LRRC4C: variants seen among roughly 807,000 people sequenced by gnomAD.
LRRC4C encodes the protein leucine rich repeat containing 4C.
Under a neutral mutation model 33.6 loss-of-function variants are expected in LRRC4C, and 5 were observed. The observed-to-expected ratio is 0.15, with a 90% CI of 0.08 to 0.31. The LOEUF (loss-of-function observed/expected upper bound fraction) is 0.31. Ranked by LOEUF, LRRC4C falls within the 10% of genes least tolerant of loss-of-function variation. The pLI is 1.00. For synonymous variants in LRRC4C, 329 were observed against 302.0 expected, an observed-to-expected ratio of 1.09 and a Z score of -0.93; for missense variants, 560 against 796.7, an observed-to-expected ratio of 0.70 and a Z score of 3.58.
intron 2 of LRRC4C, among the ~76,000 whole-genome samples, chr11:40,706,061 T>G (rs1946155023): frequency 6.6e-6 from 1 of 152,164 alleles, no homozygotes; most frequent in African/African-American, 2.4e-5. Flanking sequence ...TTATTTGATT[T>G]TTTTTTCTTG....
chr11:40,964,747 C>T (rs894481597), intron 1 of LRRC4C, among the ~76,000 whole-genome samples: 26 of 152,014 alleles, frequency 1.7e-4, no homozygotes, highest in African/African-American at 6.3e-4. Context: ...ATATGTGCCA[C>T]ATTTTCTTAA....
chr11:41,366,983 G>A (rs1952568009), intron 1 of LRRC4C, among the ~76,000 whole-genome samples: 1 of 152,154 alleles, frequency 6.6e-6, no homozygotes, highest in South Asian at 2.1e-4. Context: ...AAATTTGTAT[G>A]AGTTATTTTA....
At chr11:40,635,433 G>T (rs1452204093) in intron 3 of LRRC4C, among the ~76,000 whole-genome samples, 7 of 152,176 alleles carry the variant, frequency 4.6e-5, no homozygotes, top group Admixed American at 4.6e-4. Flanking sequence ...TTGAAGCCAC[G>T]CTAAAGGAGC....
chr11:40,684,222 T>C (rs1235108081), intron 2 of LRRC4C, among the ~76,000 whole-genome samples: 1 of 152,016 alleles, frequency 6.6e-6, no homozygotes, highest in Non-Finnish European at 1.5e-5. Flanking sequence ...AGACATAACA[T>C]AATTTAATGA....
intron 1 of LRRC4C, among the ~76,000 whole-genome samples, chr11:41,028,243 C>T (rs757548248): frequency 3.3e-4 from 50 of 151,364 alleles, no homozygotes; most frequent in Non-Finnish European, 6.2e-4. Context: ...CCAGCATATT[C>T]AGATAAGCAA....
chr11:40,117,887 T>A (rs914861203), intron 6 of LRRC4C, among the ~76,000 whole-genome samples: 9 of 151,714 alleles, frequency 5.9e-5, no homozygotes, highest in Non-Finnish European at 1.0e-4. Flanking sequence ...GTTGTGAGGA[T>A]AAAATGAGTT....
chr11:41,107,914 G>A (rs1941602744), intron 1 of LRRC4C, among the ~76,000 whole-genome samples: 1 of 151,626 alleles, frequency 6.6e-6, no homozygotes, highest in African/African-American at 2.4e-5. Context: ...TCCAGCCTGG[G>A]TGATAGAGCG....
chr11:40,770,127 G>T (rs960550947), intron 2 of LRRC4C, among the ~76,000 whole-genome samples: 1 of 152,162 alleles, frequency 6.6e-6, no homozygotes, highest in Non-Finnish European at 1.5e-5. Flanking sequence ...TTCTCATGCT[G>T]CTATAAAGAA....
intron 1 of LRRC4C, among the ~76,000 whole-genome samples, chr11:41,215,036 A>C (rs1163711820): frequency 6.9e-6 from 1 of 145,868 alleles, no homozygotes; most frequent in African/African-American, 2.5e-5. Flanking sequence ...ATATATATAT[A>C]TATCACATTT....
chr11:40,473,256 G>A (rs553551290), intron 3 of LRRC4C, among the ~76,000 whole-genome samples: 1 of 152,126 alleles, frequency 6.6e-6, no homozygotes, highest in Non-Finnish European at 1.5e-5. Flanking sequence ...TATCCACTAC[G>A]ATCAAGGCAC....
intron 1 of LRRC4C, among the ~76,000 whole-genome samples, chr11:41,388,930 G>A (rs527928238): frequency 6.6e-6 from 1 of 151,888 alleles, no homozygotes; most frequent in East Asian, 2.0e-4. Flanking sequence ...GACAGGTTTG[G>A]AAAGTTTAGA....
intron 1 of LRRC4C, among the ~76,000 whole-genome samples, chr11:41,427,264 CT>C (rs1265810793): frequency 3.3e-5 from 5 of 152,010 alleles, no homozygotes; most frequent in Admixed American, 2.6e-4. Context: ...TTTTATTTTA[CT>C]TCTTGTTTGC....
At chr11:40,909,834 G>C (rs948637176) in intron 2 of LRRC4C, among the ~76,000 whole-genome samples, 1 of 152,050 alleles carries the variant, frequency 6.6e-6, no homozygotes, top group East Asian at 1.9e-4. Context: ...AAATCAAAAA[G>C]GTTAATGCTT....
chr11:40,601,202 T>C (rs1014605166), intron 3 of LRRC4C, among the ~76,000 whole-genome samples: 1 of 152,206 alleles, frequency 6.6e-6, no homozygotes, highest in Non-Finnish European at 1.5e-5. Context: ...TGAATCTCTT[T>C]ACTATTTCCG....
At chr11:40,576,613 T>C (rs945272540) in intron 3 of LRRC4C, among the ~76,000 whole-genome samples, 2 of 152,180 alleles carry the variant, frequency 1.3e-5, no homozygotes, top group African/African-American at 4.8e-5. Flanking sequence ...AGTTTTAAAG[T>C]ACATCTGTCT....
At chr11:41,231,670 C>T (rs975071639) in intron 1 of LRRC4C, among the ~76,000 whole-genome samples, 3 of 151,664 alleles carry the variant, frequency 2.0e-5, no homozygotes, top group Non-Finnish European at 4.4e-5. Context: ...ATGTAAATGA[C>T]GCGTTAATGG....
chr11:41,181,355 A>T (rs1010521428), intron 1 of LRRC4C, among the ~76,000 whole-genome samples: 10 of 152,122 alleles, frequency 6.6e-5, no homozygotes, highest in Non-Finnish European at 1.5e-4. Context: ...TCTGGAAAAA[A>T]CAGATTTTCC....
chr11:40,691,309 TC>T (rs1376749116), intron 2 of LRRC4C, among the ~76,000 whole-genome samples: 1 of 151,982 alleles, frequency 6.6e-6, no homozygotes, highest in African/African-American at 2.4e-5. Flanking sequence ...AGGGAGCACT[TC>T]CGATACAGTT....
chr11:40,362,745 C>T (rs1355444287), intron 3 of LRRC4C, among the ~76,000 whole-genome samples: 1 of 151,836 alleles, frequency 6.6e-6, no homozygotes, highest in Non-Finnish European at 1.5e-5. Flanking sequence ...ATCAATAAAT[C>T]GTGAGAAAAG....
Sources: gnomAD v4.1 joint callset for allele counts (sites outside exome capture counted in the v4.1 genomes callset) on GRCh38, gnomAD v4.1.1 for gene constraint, MANE v1.5 for transcripts, NCBI Gene and HGNC (gene_info 2026-07-23, HGNC 2026-07-21) for gene names.